Variants in UBN2 observed in about 807,000 individuals in gnomAD.
The protein encoded by UBN2 is ubinuclein 2, also known as ubinuclein-2.
A neutral mutation model predicts 120.2 loss-of-function variants in UBN2; 35 were observed. That is an observed-to-expected ratio of 0.29 (90% CI 0.22 to 0.39). The LOEUF (loss-of-function observed/expected upper bound fraction) is 0.39. Ranked by LOEUF, UBN2 falls within the 10% of genes least tolerant of loss-of-function variation. The pLI, the probability that UBN2 is intolerant of heterozygous loss-of-function variation, is 1.00. For missense variants in UBN2, 1,693 were observed against 1,663.2 expected, an observed-to-expected ratio of 1.02 and a Z score of -0.31; for synonymous variants, 661 against 648.7, an observed-to-expected ratio of 1.02 and a Z score of -0.29.
At chr7:139,266,761 T>G (rs1241738291) in intron 7 of UBN2, among the ~76,000 whole-genome samples, 1 of 152,186 alleles carries the variant, frequency 6.6e-6, no homozygotes, top group Non-Finnish European at 1.5e-5. Context: ...TCCATCTACT[T>G]TTATTACTTA....
chr7:139,250,888 C>G (rs58658641), intron 2 of UBN2, among the ~76,000 whole-genome samples: 2,909 of 152,244 alleles, frequency 0.019, 97 homozygotes, highest in African/African-American at 0.066. Flanking sequence ...AGCAGGATTG[C>G]TTGAGCCCAG....
In UBN2 at chr7:139,304,934, A is replaced by G. The variant is rs1798333850; in HGVS notation, c.*7098A>G. The G allele has an allele frequency of 2.6e-5, 4 of 152,104 alleles. No homozygotes were observed. The highest frequency in any genetic ancestry group is 6.6e-5 in the Admixed American group (1 of 15,256). 9.4% of individuals were successfully genotyped at this position (152,104 alleles called of 1,614,324 possible). On this transcript the variant is annotated 3_prime_UTR_variant, in exon 18 of 18. Coordinates refer to ENST00000473989, the MANE Select transcript of UBN2 (RefSeq NM_173569.4). Reference sequence around the variant, plus strand: ...TTGTTGAATGTGTGTTTGTTCTTCTAGGGAAAATTAACAGAAGCATAAAAT... The same window carrying G: ...TTGTTGAATGTGTGTTTGTTCTTCTGGGGAAAATTAACAGAAGCATAAAAT...
chr7:139,241,542 A>G (rs1008131663), intron 2 of UBN2, among the ~76,000 whole-genome samples: 2 of 152,204 alleles, frequency 1.3e-5, no homozygotes, highest in Non-Finnish European at 2.9e-5. Flanking sequence ...ACTTCTTTTA[A>G]AAAGAAGGGT....
chr7:139,272,479 A>G, intron 9 of UBN2, 39 bp downstream of exon 9: 1 of 1,466,402 alleles, frequency 6.8e-7, no homozygotes, highest in South Asian at 1.2e-5. Context: ...TTTGCATTTG[A>G]GAAGTGTATG....
Position 139,231,283 on chromosome 7 carries a change from CTGGCG to C in UBN2, c.-201_-197del, listed in dbSNP as rs1795999037. 6.6e-6 allele frequency among the ~76,000 whole-genome samples: 1 copy of C among 152,256 alleles called. No individual in the cohort carries two copies. The highest frequency in any genetic ancestry group is 2.1e-4 in the South Asian group (1 of 4,834). ...ATCCAACATGGCGGCCGCGGCGACCCTGGCGATGGCGGTGAAGCCCATCAGAACGT... is the reference window on the plus strand; with the variant it reads ...ATCCAACATGGCGGCCGCGGCGACCCATGGCGGTGAAGCCCATCAGAACGT... On this transcript the variant is annotated 5_prime_UTR_variant, in exon 1 of 18. An upstream open reading frame in the 5' UTR gains an earlier in-frame stop. Transcript: ENST00000473989.
In UBN2 at chr7:139,252,013, T is replaced by A. The variant is rs752431892; in HGVS notation, c.619T>A (p.Phe207Ile). The change falls in exon 3 of 18, where the codon TTT becomes ATT. Residue 207 changes from phenylalanine to isoleucine, a missense_variant. Transcript: ENST00000473989. ...GCTACAAGATTTAATTGATATAGGC[T>A]TTGGCTATGATGAGACAGATCCATT... The part of the protein sequence containing the change: ...DRLQDLIDIG[F>I]GYDETDPFID... 5.6e-6 allele frequency: 9 copies of A among 1,614,056 alleles called. No homozygotes were observed. The highest frequency in any genetic ancestry group is 7.6e-6 in the Non-Finnish European group (9 of 1,180,026).
intron 2 of UBN2, among the ~76,000 whole-genome samples, chr7:139,245,232 G>A (rs1050961962): frequency 2.7e-5 from 4 of 149,770 alleles, no homozygotes; most frequent in African/African-American, 9.9e-5. Context: ...GAGCCACCTC[G>A]CCCAGCCTAC....
Position 139,299,413 on chromosome 7 carries a change from T to C in UBN2, c.*1577T>C, listed in dbSNP as rs1294410452. The C allele has an allele frequency of 1.3e-5, 2 of 152,186 alleles. No individual in the cohort carries two copies. Among genetic ancestry groups the C allele is most frequent in the Admixed American group, 1.3e-4 (2 of 15,268 alleles). The allele number at this position is 152,186 out of a possible 1,614,324, so 9.4% of individuals were successfully genotyped here. The stretch of plus-strand genomic sequence containing the variant: ...GTATTAACCAGGCCCTTTTTTCTTT[T>C]ATACACAAAAGTCCCAGATACCCTA... On this transcript the variant is annotated 3_prime_UTR_variant, in exon 18 of 18. Coordinates refer to ENST00000473989, the MANE Select transcript of UBN2 (RefSeq NM_173569.4).
rs532346728 is a variant in UBN2 at position 139,276,145 on chromosome 7, T to C, written c.2022T>C (p.Ala674=). 4 of 1,613,594 alleles carry C rather than the reference T, an allele frequency of 2.5e-6. No homozygotes were observed. The highest frequency in any genetic ancestry group is 2.5e-6 in the Non-Finnish European group (3 of 1,179,836). Residue 674 remains alanine (A), a splice_region_variant and synonymous_variant, in exon 12 of 18, where the codon GCT becomes GCC. Transcript: ENST00000473989. ...GTGTTCATAATCATCTTACTTCTGCTCCGTGAGTAAATGCAGACTCCAGAT... is the reference window on the plus strand; with the variant it reads ...GTGTTCATAATCATCTTACTTCTGCCCCGTGAGTAAATGCAGACTCCAGAT... ...SRSVHNHLTS[A]PAKKKVIPAP...
chr7:139,235,433 T>C (rs979396011), intron 1 of UBN2, among the ~76,000 whole-genome samples: 8 of 152,206 alleles, frequency 5.3e-5, no homozygotes, highest in African/African-American at 1.9e-4. Flanking sequence ...TCTCACTCTG[T>C]CTCAACCAGG....
downstream of UBN2, chr7:139,308,344 C>T (rs1798401207): frequency 6.6e-6 from 1 of 151,986 alleles, no homozygotes; most frequent in Non-Finnish European, 1.5e-5. Flanking sequence ...TTATAGGGTA[C>T]AAGAAGTAAA....
At position 139,284,693 on chromosome 7, in the gene UBN2, A is replaced by T; in HGVS notation, c.3669+119A>T. The T allele has an allele frequency of 5.9e-6, 5 of 844,620 alleles. No individual in the cohort carries two copies. The South Asian group carries it at 9.4e-5, about 16-fold the overall frequency. 52.3% of individuals were successfully genotyped at this position (844,620 alleles called of 1,614,324 possible). A position where few individuals can be genotyped will look rare whatever the true frequency, so the allele number is the denominator to read the frequency against. ...GGATTGTTCTCAATTGGCTTATTAC[A>T]GCCTGCAGCCATGGAATGTTCCTGA... On this transcript the variant is annotated intron_variant, in intron 15 of 17. Transcript: ENST00000473989.
intron 2 of UBN2, 95 bp from the exon 3 acceptor site, chr7:139,251,859 ATC>A: frequency 8.8e-7 from 1 of 1,133,152 alleles, no homozygotes. Flanking sequence ...GAGGGGGACT[ATC>A]TGCAAAAATT....
At chr7:139,316,077 C>CAAAAAAAAAAAAAAAAAAAAAA in the UBN2 span, among the ~76,000 whole-genome samples, 1 of 14,160 alleles carries the variant, frequency 7.1e-5, no homozygotes, top group Non-Finnish European at 1.5e-4. Flanking sequence ...GACTTCGTCT[C>CAAAAAAAAAAAAAAAAAAAAAA]AAAAAAAAAA....
At chr7:139,261,111 A>G in intron 5 of UBN2, 141 bp from the exon 6 acceptor site, 1 of 974,008 alleles carries the variant, frequency 1.0e-6, no homozygotes, top group Non-Finnish European at 1.5e-6. Flanking sequence ...GTGCTATTGT[A>G]ATAGTATAAG....
At chr7:139,285,773 C>T (rs548699077) in intron 15 of UBN2, among the ~76,000 whole-genome samples, 4 of 152,056 alleles carry the variant, frequency 2.6e-5, no homozygotes, top group African/African-American at 9.6e-5. Flanking sequence ...GACAGAGTCT[C>T]GCTCTGTCGT....
the UBN2 span, among the ~76,000 whole-genome samples, chr7:139,320,912 A>G: frequency 6.6e-6 from 1 of 152,180 alleles, no homozygotes; most frequent in African/African-American, 2.4e-5. Flanking sequence ...TCATATTAAT[A>G]TAAGGACGAA....
At chr7:139,296,209 C>T (rs1563230442) in intron 17 of UBN2, among the ~76,000 whole-genome samples, 1 of 152,154 alleles carries the variant, frequency 6.6e-6, no homozygotes, top group Non-Finnish European at 1.5e-5. Flanking sequence ...AAACAAAGGT[C>T]AGTAAAATTT....
intron 17 of UBN2, among the ~76,000 whole-genome samples, chr7:139,294,599 G>A (rs1171451677): frequency 6.6e-6 from 1 of 152,228 alleles, no homozygotes. Flanking sequence ...CCAGCACTTT[G>A]GGAGGCCAGG....
Sources: allele counts gnomAD v4.1 joint callset (sites outside exome capture counted in the v4.1 genomes callset), GRCh38; gene constraint gnomAD v4.1.1; transcripts MANE v1.5; gene names NCBI Gene and HGNC (gene_info 2026-07-23, HGNC 2026-07-21).